LRCH1: variants seen among roughly 807,000 people sequenced by gnomAD.
LRCH1 encodes leucine-rich repeat and calponin homology domain-containing protein 1.
LRCH1 carries 23 observed loss-of-function variants against 94.9 expected under a neutral mutation model. The observed-to-expected ratio is 0.24, with a 90% CI of 0.17 to 0.34. LRCH1 has a LOEUF of 0.34. Ranked by LOEUF, LRCH1 falls within the 10% of genes least tolerant of loss-of-function variation. The probability of loss-of-function intolerance (pLI) is 1.00; values close to 1 mark genes in which losing one functional copy is unlikely to be tolerated. For missense variants in LRCH1, 790 were observed against 945.9 expected, an observed-to-expected ratio of 0.84 and a Z score of 2.16; for synonymous variants, 364 against 354.9, an observed-to-expected ratio of 1.03 and a Z score of -0.29.
At chr13:46,713,590 A>T (rs1872178553) in intron 15 of LRCH1, among the ~76,000 whole-genome samples, 1 of 152,232 alleles carries the variant, frequency 6.6e-6, no homozygotes, top group African/African-American at 2.4e-5. Context: ...TGAATGGGCC[A>T]TAGAAGAAAA....
intron 9 of LRCH1, among the ~76,000 whole-genome samples, chr13:46,696,228 ACACACT>A (rs2138170503): frequency 7.1e-6 from 1 of 141,582 alleles, no homozygotes; most frequent in South Asian, 2.1e-4. Flanking sequence ...ACACACACAC[ACACACT>A]CTTTATATTC....
chr13:46,593,207 A>G (rs2050519857), intron 1 of LRCH1, among the ~76,000 whole-genome samples: 1 of 148,926 alleles, frequency 6.7e-6, no homozygotes, highest in African/African-American at 2.5e-5. Context: ...TCATCAGTGT[A>G]TTTTCAAACA....
At chr13:46,699,545 G>T (rs1171282880) in intron 10 of LRCH1, 142 bp downstream of exon 10, 3 of 726,144 alleles carry the variant, frequency 4.1e-6, no homozygotes, top group Non-Finnish European at 7.1e-6. Context: ...ATAAGAAGTT[G>T]CCAGTTTTTC....
At chr13:46,607,954 G>A (rs1160613436) in intron 1 of LRCH1, among the ~76,000 whole-genome samples, 1 of 152,132 alleles carries the variant, frequency 6.6e-6, no homozygotes, top group Non-Finnish European at 1.5e-5. Flanking sequence ...CAGAACTGAG[G>A]GCAGGGAGGG....
rs1421661352 is a variant in LRCH1 at position 46,681,727 on chromosome 13, T to G, written c.580-14T>G. 7.0e-6 allele frequency: 11 copies of G among 1,562,330 alleles called. No individual in the cohort carries two copies. The highest frequency in any genetic ancestry group is 8.8e-6 in the Non-Finnish European group (10 of 1,132,972). On this transcript the variant is annotated splice_polypyrimidine_tract_variant and intron_variant, in intron 3 of 19. Transcript: ENST00000389797. The stretch of plus-strand genomic sequence containing the variant: ...AAAAGATGTTTATTATTTCTCTCTC[T>G]GCTTTTGATACAGGATGTCAGCTGC...
intron 1 of LRCH1, among the ~76,000 whole-genome samples, chr13:46,600,365 T>C (rs2050613942): frequency 6.6e-6 from 1 of 152,220 alleles, no homozygotes; most frequent in Admixed American, 6.5e-5. Flanking sequence ...ATGGCTGGAT[T>C]ATTTCAAGCC....
At chr13:46,645,464 T>G (rs754370492) in intron 1 of LRCH1, among the ~76,000 whole-genome samples, 2 of 152,242 alleles carry the variant, frequency 1.3e-5, no homozygotes, top group African/African-American at 2.4e-5. Flanking sequence ...TGCTATTAAT[T>G]ATGATGATGA....
exon 19 of LRCH1, chr13:46,750,612 T>C: frequency 1.3e-6 from 2 of 1,551,972 alleles, no homozygotes; most frequent in South Asian, 2.4e-5. Flanking sequence ...CATTCAAGCA[T>C]TACTAGACAT....
intron 1 of LRCH1, among the ~76,000 whole-genome samples, chr13:46,564,627 G>A (rs574401606): frequency 1.5e-3 from 230 of 152,324 alleles, no homozygotes; most frequent in African/African-American, 5.3e-3. Flanking sequence ...GGAGGAATAG[G>A]CCGGGGAGCC....
At chr13:46,708,962 GAA>G (rs749716916) in intron 13 of LRCH1, among the ~76,000 whole-genome samples, 1 of 152,228 alleles carries the variant, frequency 6.6e-6, no homozygotes, top group Non-Finnish European at 1.5e-5. Context: ...AGGGAGGGAA[GAA>G]GAGAGGGAGA....
chr13:46,614,575 CT>C (rs1318583173), intron 1 of LRCH1, among the ~76,000 whole-genome samples: 1 of 152,266 alleles, frequency 6.6e-6, no homozygotes, highest in East Asian at 1.9e-4. Context: ...AAAATCTGAT[CT>C]CTAGTGGTAA....
intron 3 of LRCH1, among the ~76,000 whole-genome samples, chr13:46,679,578 G>C (rs186189470): frequency 6.6e-6 from 1 of 152,168 alleles, no homozygotes; most frequent in African/African-American, 2.4e-5. Flanking sequence ...TGCTTGTGGA[G>C]TTTGTTTCTG....
intron 1 of LRCH1, among the ~76,000 whole-genome samples, chr13:46,575,516 G>GTGTGTGTA (rs1212693295): frequency 1.4e-5 from 2 of 142,148 alleles, no homozygotes; most frequent in Admixed American, 6.9e-5. Context: ...ATGAATGTGT[G>GTGTGTGTA]TGTGTGTGTG....
At chr13:46,725,751 T>C (rs1872783409) in intron 17 of LRCH1, among the ~76,000 whole-genome samples, 1 of 152,222 alleles carries the variant, frequency 6.6e-6, no homozygotes, top group Non-Finnish European at 1.5e-5. Flanking sequence ...TTTAAGCCAC[T>C]GTGGTGATTG....
chr13:46,603,958 A>G, intron 1 of LRCH1, among the ~76,000 whole-genome samples: 1 of 152,146 alleles, frequency 6.6e-6, no homozygotes, highest in African/African-American at 2.4e-5. Flanking sequence ...TGCCCGGCCA[A>G]ACTTCTTTTG....
Position 46,553,638 on chromosome 13 carries a change from G to C in LRCH1, c.242G>C (p.Arg81Thr). ...ANSGGLNLSA[R>T]KLKEFPRTAA... Reference sequence around the variant, plus strand: ...TCCGGGGGGCTGAACCTGAGCGCCAGGAAATTGAAGGAATTTCCCCGTACC... The same window carrying C: ...TCCGGGGGGCTGAACCTGAGCGCCACGAAATTGAAGGAATTTCCCCGTACC... The change falls in exon 1 of 20, where the codon AGG becomes ACG. Residue 81 changes from arginine (R) to threonine (T), a missense_variant. By Grantham distance (71) the Arg-to-Thr change is moderately conservative. Coordinates refer to ENST00000389797, the MANE Select transcript of LRCH1 (RefSeq NM_001164211.2). The C allele has an allele frequency of 6.2e-7, 1 of 1,602,618 alleles. No homozygotes were observed.
intron 1 of LRCH1, among the ~76,000 whole-genome samples, chr13:46,638,513 C>T (rs577333766): frequency 2.6e-5 from 4 of 152,172 alleles, no homozygotes; most frequent in Non-Finnish European, 5.9e-5. Context: ...TGCCTTCATT[C>T]TACTTTATGT....
chr13:46,692,721 G>T lies in LRCH1; in HGVS notation c.1120+80G>T. The T allele has an allele frequency of 3.9e-6, 4 of 1,024,562 alleles. No individual in the cohort carries two copies. The South Asian group carries it at 5.4e-5, about 14-fold the overall frequency. The allele number at this position is 1,024,562 out of a possible 1,614,324, so 63.5% of individuals were successfully genotyped here. On this transcript the variant is annotated intron_variant, in intron 8 of 19. Coordinates refer to ENST00000389797, the MANE Select transcript of LRCH1 (RefSeq NM_001164211.2). ...TTTAAAATAACCTGTGCACAGATAGGGCAGTGATAATCTTTCTAGAGTATG... is the reference window on the plus strand; with the variant it reads ...TTTAAAATAACCTGTGCACAGATAGTGCAGTGATAATCTTTCTAGAGTATG...
chr13:46,740,878 A>G (rs994535785), intron 19 of LRCH1, among the ~76,000 whole-genome samples: 3 of 152,178 alleles, frequency 2.0e-5, no homozygotes, highest in Non-Finnish European at 4.4e-5. Context: ...TTACATGGTG[A>G]CTGTTGAGTA....
Sources: allele counts gnomAD v4.1 joint callset (sites outside exome capture counted in the v4.1 genomes callset), GRCh38; gene constraint gnomAD v4.1.1; transcripts MANE v1.5; gene names NCBI Gene and HGNC (gene_info 2026-07-23, HGNC 2026-07-21).